KCNG3: variants seen among roughly 807,000 people sequenced by gnomAD.
The protein encoded by KCNG3 is voltage-gated potassium channel regulatory subunit KCNG3.
Under a neutral mutation model 29.0 loss-of-function variants are expected in KCNG3, and 15 were observed. The ratio of observed to expected loss-of-function variants is 0.52; its 90% CI spans 0.35 to 0.80. The LOEUF (loss-of-function observed/expected upper bound fraction) is 0.80. Ranked by LOEUF, KCNG3 falls within the 30% of genes least tolerant of loss-of-function variation. The probability of loss-of-function intolerance (pLI) is 0.01; values close to 1 mark genes in which losing one functional copy is unlikely to be tolerated. For synonymous variants in KCNG3, 322 were observed against 248.9 expected (o/e 1.29, Z -2.76); for missense variants, 512 against 605.7 (o/e 0.85, Z 1.62).
intron 1 of KCNG3, among the ~76,000 whole-genome samples, chr2:42,489,293 G>C (rs1438444790): frequency 3.9e-5 from 6 of 152,226 alleles, no homozygotes; most frequent in African/African-American, 1.4e-4. Flanking sequence ...CACAGGCTGA[G>C]GTGGGAAAAT....
At chr2:42,409,314 C>T in the KCNG3 span, among the ~76,000 whole-genome samples, 1 of 152,072 alleles carries the variant, frequency 6.6e-6, no homozygotes, top group African/African-American at 2.4e-5. Context: ...AATCAGCCTC[C>T]CTCTGTGCTG....
intron 1 of KCNG3, 33 bp downstream of exon 1, chr2:42,492,804 G>A (rs975391157): frequency 1.4e-6 from 2 of 1,436,596 alleles, no homozygotes; most frequent in East Asian, 2.7e-5. Context: ...GCGACAGGAC[G>A]GACGGGACGG....
the KCNG3 span, among the ~76,000 whole-genome samples, chr2:42,403,916 T>C: frequency 7.2e-5 from 11 of 152,300 alleles, no homozygotes; most frequent in African/African-American, 2.4e-4. Context: ...TTTATGTTCT[T>C]AAGATTGTAC....
At position 42,443,724 on chromosome 2, in the gene KCNG3, T is replaced by C. The variant is rs1672537461; in HGVS notation, c.*210A>G. 1.0e-5 allele frequency: 5 copies of C among 493,554 alleles called. No homozygotes were observed. In the East Asian group the frequency reaches 1.6e-4, roughly 15 times the overall value. 30.6% of individuals were successfully genotyped at this position (493,554 alleles called of 1,614,324 possible). On this transcript the variant is annotated 3_prime_UTR_variant, in exon 2 of 2. Coordinates refer to ENST00000306078, the MANE Select transcript of KCNG3 (RefSeq NM_133329.6). ...AATAAAACCGGGTCCTAAAGTTTAC[T>C]CTAGGAGTCATTATTCTTCCTTTGC...
At chr2:42,484,417 G>A (rs768496986) in intron 1 of KCNG3, among the ~76,000 whole-genome samples, 20 of 152,210 alleles carry the variant, frequency 1.3e-4, no homozygotes, top group Non-Finnish European at 2.6e-4. Flanking sequence ...AGCCGAGATC[G>A]TGCCACTGCA....
intron 1 of KCNG3, among the ~76,000 whole-genome samples, chr2:42,474,025 A>G (rs548896276): frequency 3.2e-4 from 49 of 150,832 alleles, no homozygotes; most frequent in Non-Finnish European, 6.4e-4. Context: ...GGTGGTACAC[A>G]CCTGCAGTCC....
Position 42,449,520 on chromosome 2 carries a change from T to C in KCNG3, c.666-4941A>G, listed in dbSNP as rs1386370538. ...TGTTAAGCCACTGAGATTTCTTTTT[T>C]TTTTTTTTTTTTTTTGAGACAGGGT... On this transcript the variant is annotated intron_variant, in intron 1 of 1. Transcript: ENST00000306078. 4.1e-5 allele frequency among the ~76,000 whole-genome samples: 6 copies of C among 145,560 alleles called. No individual in the cohort carries two copies. The South Asian group carries it at 6.4e-4, about 16-fold the overall frequency.
intron 1 of KCNG3, among the ~76,000 whole-genome samples, chr2:42,486,631 T>C (rs1673732979): frequency 6.6e-6 from 1 of 152,214 alleles, no homozygotes; most frequent in African/African-American, 2.4e-5. Context: ...CCCATTGCCA[T>C]CTCAGTGGCA....
chr2:42,481,211 G>A (rs909475709), intron 1 of KCNG3, among the ~76,000 whole-genome samples: 7 of 152,212 alleles, frequency 4.6e-5, no homozygotes, highest in Non-Finnish European at 1.0e-4. Flanking sequence ...TGTGGGGGAT[G>A]AGTAGAGACC....
At chr2:42,419,219 C>CTTTTTTTTTTTTTTTTTT in the KCNG3 span, among the ~76,000 whole-genome samples, 14 of 27,736 alleles carry the variant, frequency 5.0e-4, 4 homozygotes, top group East Asian at 1.6e-3. Flanking sequence ...GATGGTATCT[C>CTTTTTTTTTTTTTTTTTT]TTTTTTTTTT....
chr2:42,398,633 T>C, the KCNG3 span, among the ~76,000 whole-genome samples: 2 of 152,232 alleles, frequency 1.3e-5, no homozygotes, highest in Non-Finnish European at 2.9e-5. Flanking sequence ...TCATTCCTTT[T>C]ACTCTGCAAG....
chr2:42,451,501 G>T (rs985535589), intron 1 of KCNG3, among the ~76,000 whole-genome samples: 2 of 151,874 alleles, frequency 1.3e-5, no homozygotes, highest in Admixed American at 1.3e-4. Context: ...GAGGTGGGTG[G>T]ATCACTTGAG....
At chr2:42,405,283 CT>C in the KCNG3 span, among the ~76,000 whole-genome samples, 1 of 152,140 alleles carries the variant, frequency 6.6e-6, no homozygotes, top group African/African-American at 2.4e-5. Flanking sequence ...CTTTTTCTCA[CT>C]TTTGGCAGAT....
the KCNG3 span, among the ~76,000 whole-genome samples, chr2:42,426,108 T>C: frequency 6.6e-6 from 1 of 152,198 alleles, no homozygotes; most frequent in Non-Finnish European, 1.5e-5. Flanking sequence ...GAACTGAAGA[T>C]GCTAAAAAGC....
intron 1 of KCNG3, among the ~76,000 whole-genome samples, chr2:42,482,884 A>T (rs2103731839): frequency 6.6e-6 from 1 of 152,210 alleles, no homozygotes; most frequent in South Asian, 2.1e-4. Flanking sequence ...ACTTTGGGAG[A>T]CCGAGATACA....
chr2:42,482,975 G>T (rs935889283), intron 1 of KCNG3, among the ~76,000 whole-genome samples: 2 of 151,852 alleles, frequency 1.3e-5, no homozygotes, highest in African/African-American at 4.8e-5. Context: ...ATAAAAATTA[G>T]CCAGGCACGG....
At chr2:42,426,355 C>T in the KCNG3 span, among the ~76,000 whole-genome samples, 72,512 of 152,006 alleles carry the variant, frequency 0.48, 17,803 homozygotes, top group East Asian at 0.74. Context: ...TACCAAACAA[C>T]ATAATTATTA....
the KCNG3 span, among the ~76,000 whole-genome samples, chr2:42,421,200 C>A: frequency 6.6e-6 from 1 of 152,296 alleles, no homozygotes; most frequent in African/African-American, 2.4e-5. Flanking sequence ...TTTATGTGTT[C>A]ATTCGACATT....
the KCNG3 span, among the ~76,000 whole-genome samples, chr2:42,396,804 G>A: frequency 5.3e-5 from 8 of 152,068 alleles, no homozygotes; most frequent in Non-Finnish European, 1.2e-4. Context: ...GGGTAGGAGA[G>A]GTCAGGCACA....
Sources: gnomAD v4.1 joint callset for allele counts (sites outside exome capture counted in the v4.1 genomes callset) on GRCh38, gnomAD v4.1.1 for gene constraint, MANE v1.5 for transcripts, NCBI Gene and HGNC (gene_info 2026-07-23, HGNC 2026-07-21) for gene names.